The following ANO1 variants were observed in gnomAD, a reference collection of about 807,000 sequenced individuals.
ANO1 encodes the protein anoctamin 1, also known as anoctamin-1.
A neutral mutation model predicts 124.0 loss-of-function variants in ANO1; 59 were observed. The ratio of observed to expected loss-of-function variants is 0.48; its 90% CI spans 0.39 to 0.59. The LOEUF is 0.59. Among genes scored for constraint, ANO1 ranks in the 20% least tolerant of loss-of-function variants. The pLI, the probability that ANO1 is intolerant of heterozygous loss-of-function variation, is 0.00. For synonymous variants in ANO1, 529 were observed against 532.0 expected, an observed-to-expected ratio of 0.99 and a Z score of 0.08; for missense variants, 1,059 against 1,328.0, an observed-to-expected ratio of 0.80 and a Z score of 3.15.
intron 19 of ANO1, 127 bp from the exon 20 acceptor site, chr11:70,165,343 T>G (rs552280514): frequency 1.3e-6 from 1 of 754,356 alleles, no homozygotes; most frequent in Non-Finnish European, 2.2e-6. Flanking sequence ...TGGCGGGGAT[T>G]AGAACCTGAG....
intron 11 of ANO1, among the ~76,000 whole-genome samples, chr11:70,139,024 CAT>C (rs200122683): frequency 0.011 from 1,672 of 152,302 alleles, 35 homozygotes; most frequent in African/African-American, 0.037. Context: ...AAGGTGAGAA[CAT>C]GTGGCATTTG....
At chr11:70,016,640 G>C (rs75443072) in intron 1 of ANO1, among the ~76,000 whole-genome samples, 6,543 of 152,270 alleles carry the variant, frequency 0.043, 482 homozygotes, top group African/African-American at 0.15. Context: ...GGAGCGCGGG[G>C]CATGCATTTC....
At chr11:70,048,702 C>A (rs1469544943) in intron 1 of ANO1, among the ~76,000 whole-genome samples, 3 of 150,100 alleles carry the variant, frequency 2.0e-5, no homozygotes, top group African/African-American at 4.9e-5. Flanking sequence ...TTCTCCACCC[C>A]CCACCGCTGA....
chr11:70,052,834 A>G (rs1857374771), intron 1 of ANO1, among the ~76,000 whole-genome samples: 1 of 151,970 alleles, frequency 6.6e-6, no homozygotes, highest in Non-Finnish European at 1.5e-5. Flanking sequence ...GGCTTAAGCC[A>G]CTGCGCCCGG....
intron 20 of ANO1, among the ~76,000 whole-genome samples, 181 bp from the exon 21 acceptor site, chr11:70,167,061 T>C (rs1298196700): frequency 6.6e-6 from 1 of 152,038 alleles, no homozygotes; most frequent in Non-Finnish European, 1.5e-5. Context: ...GCAAGAGAAT[T>C]GCTTGAACCA....
At chr11:70,016,145 G>T (rs748661991) in intron 1 of ANO1, among the ~76,000 whole-genome samples, 1 of 151,048 alleles carries the variant, frequency 6.6e-6, no homozygotes, top group Non-Finnish European at 1.5e-5. Flanking sequence ...CTCCTGCTTC[G>T]GCCTCCTAAG....
intron 9 of ANO1, 45 bp from the exon 10 acceptor site, chr11:70,126,016 A>G: frequency 6.4e-7 from 1 of 1,557,568 alleles, no homozygotes; most frequent in South Asian, 1.2e-5. Context: ...CCCTGCTAGT[A>G]TTGAATGACA....
intron 1 of ANO1, among the ~76,000 whole-genome samples, chr11:70,006,663 C>CTTTTTTTTTTTTTTTTTTTTTT (rs56851839): frequency 3.4e-5 from 3 of 88,998 alleles, no homozygotes; most frequent in Non-Finnish European, 6.3e-5. Flanking sequence ...TTTCTTCTTT[C>CTTTTTTTTTTTTTTTTTTTTTT]TTTTTTTTTT....
rs374149174 is a variant in ANO1 at position 70,104,049 on chromosome 11, G to A, written c.591G>A (p.Val197=). ...TRGLLKKINS[V]LQKITDPIQP... is the part of the protein sequence containing the mutation. Reference sequence around the variant, plus strand: ...GCCTCCTGAAAAAAATCAACTCTGTGCTCCAGAAAATCACAGATCCCATCC... The same window carrying A: ...GCCTCCTGAAAAAAATCAACTCTGTACTCCAGAAAATCACAGATCCCATCC... Residue 197 remains valine (V), a synonymous_variant, in exon 4 of 26, where the codon GTG becomes GTA. Transcript: ENST00000355303. 7.4e-6 allele frequency: 12 copies of A among 1,612,406 alleles called. No individual in the cohort carries two copies. Among genetic ancestry groups the A allele is most frequent in the African/African-American group, 1.3e-5 (1 of 74,880 alleles).
intron 13 of ANO1, 121 bp downstream of exon 13, chr11:70,152,582 G>T: frequency 2.5e-6 from 3 of 1,205,928 alleles, no homozygotes; most frequent in Non-Finnish European, 2.4e-6. Context: ...CGCGGGTGGG[G>T]TCTCTGCTTT....
At chr11:70,038,680 A>G (rs1857133348) in intron 1 of ANO1, among the ~76,000 whole-genome samples, 2 of 152,128 alleles carry the variant, frequency 1.3e-5, no homozygotes, top group Non-Finnish European at 2.9e-5. Context: ...GAGAGCCAGG[A>G]CTTACCTGGT....
At chr11:70,035,510 T>C (rs1857078486) in intron 1 of ANO1, among the ~76,000 whole-genome samples, 1 of 135,624 alleles carries the variant, frequency 7.4e-6, no homozygotes, top group Admixed American at 8.0e-5. Context: ...GGTAGCCCAG[T>C]AAGCTGTTGC....
chr11:70,183,037 A>G (rs2048988103), intron 24 of ANO1, among the ~76,000 whole-genome samples: 1 of 152,114 alleles, frequency 6.6e-6, no homozygotes, highest in South Asian at 2.1e-4. Context: ...TGAGCCTAGG[A>G]ATTTGAGGCT....
chr11:70,119,380 G>C (rs1320766940), intron 8 of ANO1, among the ~76,000 whole-genome samples: 1 of 149,844 alleles, frequency 6.7e-6, no homozygotes, highest in African/African-American at 2.5e-5. Flanking sequence ...TGGATGGATG[G>C]GTTGATGGAT....
chr11:70,029,819 G>A (rs79811030), intron 1 of ANO1, among the ~76,000 whole-genome samples: 2,768 of 152,312 alleles, frequency 0.018, 89 homozygotes, highest in African/African-American at 0.064. Context: ...GGCTCCAGGC[G>A]TTCCTCAGCT....
the ANO1 span, among the ~76,000 whole-genome samples, chr11:69,971,530 A>C: frequency 6.6e-6 from 1 of 151,902 alleles, no homozygotes; most frequent in Non-Finnish European, 1.5e-5. Context: ...TCTAAGAAAA[A>C]AACTTTTCAT....
chr11:70,147,091 A>G (rs891621891), intron 11 of ANO1, among the ~76,000 whole-genome samples: 1 of 152,326 alleles, frequency 6.6e-6, no homozygotes, highest in Middle Eastern at 3.4e-3. Flanking sequence ...AAACAGGCCA[A>G]CTCTGCAGGT....
At chr11:70,052,615 C>T (rs1175702693) in intron 1 of ANO1, among the ~76,000 whole-genome samples, 2 of 130,028 alleles carry the variant, frequency 1.5e-5, no homozygotes, top group East Asian at 2.2e-4. Flanking sequence ...TGCAATGGCG[C>T]GATCTTGGCT....
At chr11:70,026,817 T>C (rs1353573760) in intron 1 of ANO1, among the ~76,000 whole-genome samples, 1 of 152,184 alleles carries the variant, frequency 6.6e-6, no homozygotes, top group Non-Finnish European at 1.5e-5. Context: ...GGTCTGGCAC[T>C]GCCACTGTGC....
Sources: allele counts gnomAD v4.1 joint callset (sites outside exome capture counted in the v4.1 genomes callset), GRCh38; gene constraint gnomAD v4.1.1; transcripts MANE v1.5; gene names NCBI Gene and HGNC (gene_info 2026-07-23, HGNC 2026-07-21).